The following NUCB2 variants were observed in gnomAD, a reference collection of about 807,000 sequenced individuals.
The protein encoded by NUCB2 is nucleobindin 2, also known as nucleobindin-2.
NUCB2 carries 48 observed loss-of-function variants against 57.9 expected under a neutral mutation model. The ratio of observed to expected loss-of-function variants is 0.83; its 90% confidence interval spans 0.66 to 1.05. The LOEUF (loss-of-function observed/expected upper bound fraction) is 1.05. Ranked by LOEUF, NUCB2 falls within the 50% of genes least tolerant of loss-of-function variation. The pLI is 0.00. For missense variants in NUCB2, 442 were observed against 476.2 expected (o/e 0.93, Z 0.67); for synonymous variants, 139 against 152.1 (o/e 0.91, Z 0.64).
At chr11:17,344,961 A>T (rs1460277653) in intron 2 of NUCB2, among the ~76,000 whole-genome samples, 1 of 152,240 alleles carries the variant, frequency 6.6e-6, no homozygotes, top group Non-Finnish European at 1.5e-5. Context: ...AGGAGGGTTA[A>T]TCTTTCCTGA....
At chr11:17,307,539 A>G (rs911171062) in intron 5 of NUCB2, among the ~76,000 whole-genome samples, 20 of 152,102 alleles carry the variant, frequency 1.3e-4, no homozygotes, top group Non-Finnish European at 1.8e-4. Flanking sequence ...GGAAATACAC[A>G]TTTTTGTGCA....
chr11:17,326,973 G>C (rs1950766276), intron 11 of NUCB2, among the ~76,000 whole-genome samples: 1 of 152,146 alleles, frequency 6.6e-6, no homozygotes, highest in Admixed American at 6.5e-5. Flanking sequence ...TATTTTCAGT[G>C]AATATACTAT....
chr11:17,341,796 G>C (rs1249687331), intron 2 of NUCB2, among the ~76,000 whole-genome samples: 4 of 152,102 alleles, frequency 2.6e-5, no homozygotes, highest in Admixed American at 1.3e-4. Context: ...TTGTGTCTCT[G>C]CCAGGCTTTG....
At chr11:17,312,791 C>A (rs1311696331) in intron 10 of NUCB2, among the ~76,000 whole-genome samples, 2 of 151,938 alleles carry the variant, frequency 1.3e-5, no homozygotes, top group Non-Finnish European at 2.9e-5. Context: ...GCTGCAACCT[C>A]TGCCTCCCGG....
At chr11:17,303,884 C>CAAAAAAA in intron 5 of NUCB2, among the ~76,000 whole-genome samples, 2 of 54,650 alleles carry the variant, frequency 3.7e-5, no homozygotes, top group East Asian at 4.5e-4. Flanking sequence ...GACTCCATCT[C>CAAAAAAA]AAAAAAAAAA....
intron 5 of NUCB2, among the ~76,000 whole-genome samples, chr11:17,304,708 A>G (rs556667933): frequency 6.6e-6 from 1 of 152,338 alleles, no homozygotes; most frequent in Non-Finnish European, 1.5e-5. Flanking sequence ...AATATTTTCC[A>G]TATGTACGTA....
Position 17,330,152 on chromosome 11 carries a change from CAG to C in NUCB2, c.1031_1032del (p.Glu344GlyfsTer7). On this transcript the variant is annotated frameshift_variant, in exon 12 of 14. Transcript: ENST00000529010. LOFTEE classifies it high-confidence loss of function. The surrounding 1 kb of genome is among the most constrained non-coding windows in gnomAD (Gnocchi z 4.3). ...ACATTAGATCAGCAACAGTTCTTCACAGAGGAAGAACTAAAAGAATATGAAAA... is the reference window on the plus strand; with the variant it reads ...ACATTAGATCAGCAACAGTTCTTCACAGGAAGAACTAAAAGAATATGAAAA... 6.5e-7 allele frequency: 1 copy of C among 1,540,660 alleles called. No individual in the cohort carries two copies. The highest frequency in any genetic ancestry group is 8.9e-7 in the Non-Finnish European group (1 of 1,124,302).
intron 11 of NUCB2, among the ~76,000 whole-genome samples, chr11:17,325,796 A>G (rs539501821): frequency 1.1e-4 from 16 of 149,560 alleles, no homozygotes; most frequent in African/African-American, 3.8e-4. Flanking sequence ...CTCTGGTGGC[A>G]TGCTCTAATT....
At chr11:17,315,780 T>C (rs1396678526) in intron 11 of NUCB2, among the ~76,000 whole-genome samples, 2 of 152,192 alleles carry the variant, frequency 1.3e-5, no homozygotes, top group Non-Finnish European at 2.9e-5. Context: ...TAAATTAGAA[T>C]TCACCTATAA....
At chr11:17,315,690 T>G (rs913871845) in intron 11 of NUCB2, among the ~76,000 whole-genome samples, 4 of 152,212 alleles carry the variant, frequency 2.6e-5, no homozygotes, top group Non-Finnish European at 5.9e-5. Flanking sequence ...AAATTGGAAG[T>G]CTTTTAAAAA....
chr11:17,277,476 A>G (rs1341805895), intron 1 of NUCB2, among the ~76,000 whole-genome samples: 6 of 152,110 alleles, frequency 3.9e-5, no homozygotes, highest in African/African-American at 9.7e-5. Flanking sequence ...ATTTTACAGT[A>G]TCAAATGGCT....
At chr11:17,279,851 G>A (rs1167842458) in intron 1 of NUCB2, among the ~76,000 whole-genome samples, 1 of 142,540 alleles carries the variant, frequency 7.0e-6, no homozygotes, top group Non-Finnish European at 1.5e-5. Context: ...GTACAGTGGT[G>A]TGATCATGGC....
chr11:17,311,214 G>A lies in NUCB2; in HGVS notation c.691G>A (p.Glu231Lys), dbSNP rs758160380. The A allele has an allele frequency of 6.2e-7, 1 of 1,603,744 alleles. No homozygotes were observed. Among genetic ancestry groups the A allele is most frequent in the Non-Finnish European group, 8.5e-7 (1 of 1,177,474 alleles). ...NHPGSKDQLK[E>K]VWEETDGLDP... is the part of the protein sequence containing the mutation. ...ACAGGGAAGCAAAGATCAACTAAAA[G>A]AGGTATGGGAAGAGACTGATGGATT... Residue 231 changes from glutamate (E) to lysine (K), a missense_variant, in exon 8 of 14, where the codon GAG (glutamate) becomes AAG (lysine). By Grantham distance (56) the Glu-to-Lys change is moderately conservative. Transcript: ENST00000529010.
At chr11:17,335,835 T>A (rs1167471397), downstream of NUCB2, among the ~76,000 whole-genome samples, 2 of 152,050 alleles carry the variant, frequency 1.3e-5, no homozygotes, top group Non-Finnish European at 2.9e-5. Flanking sequence ...AGTATTCTTT[T>A]CAGTTGTGTT....
At chr11:17,341,361 G>GAGT (rs1376849869) in intron 2 of NUCB2, among the ~76,000 whole-genome samples, 1 of 151,670 alleles carries the variant, frequency 6.6e-6, no homozygotes, top group Non-Finnish European at 1.5e-5. Flanking sequence ...TGTTGAATAG[G>GAGT]AGTGGTGAGA....
chr11:17,281,162 C>T (rs1180141476), intron 1 of NUCB2, among the ~76,000 whole-genome samples: 3 of 151,584 alleles, frequency 2.0e-5, no homozygotes, highest in Admixed American at 6.6e-5. Context: ...CAGGGTCTTT[C>T]TCTGTCATCC....
intron 1 of NUCB2, among the ~76,000 whole-genome samples, chr11:17,281,112 C>T (rs1292174566): frequency 2.0e-5 from 3 of 151,908 alleles, no homozygotes; most frequent in Non-Finnish European, 2.9e-5. Context: ...CTTTTTGTGT[C>T]GTTAATTTTT....
intron 2 of NUCB2, among the ~76,000 whole-genome samples, chr11:17,340,103 G>A (rs1176325545): frequency 6.6e-6 from 1 of 152,234 alleles, no homozygotes; most frequent in Non-Finnish European, 1.5e-5. Context: ...CTGATGGCCA[G>A]TGATGATGAG....
In NUCB2 at chr11:17,331,416, T is replaced by C. The variant is rs377017211; in HGVS notation, c.1260T>C (p.Ile420=). The C allele has an allele frequency of 5.5e-6, 8 of 1,444,556 alleles. No homozygotes were observed. In the Admixed American group the frequency reaches 2.0e-4, roughly 36 times the overall value. The allele number at this position is 1,444,556 out of a possible 1,614,324, so 89.5% of individuals were successfully genotyped here. A position where few individuals can be genotyped will look rare whatever the true frequency, so the allele number is the denominator to read the frequency against. ...PAGELKFEPH[I] The stretch of plus-strand genomic sequence containing the variant: ...CTTTTTTCTTTTTTCCAACAGACAT[T>C]TAAAGTCTGAAGTCCACCAGAACTT... The change falls in exon 14 of 14, where the codon ATT becomes ATC. Residue 420 remains isoleucine, a synonymous_variant. Coordinates refer to ENST00000529010, the MANE Select transcript of NUCB2 (RefSeq NM_005013.4).
Sources: allele counts gnomAD v4.1 joint callset (sites outside exome capture counted in the v4.1 genomes callset), GRCh38; gene constraint gnomAD v4.1.1; non-coding constraint Gnocchi (gnomAD v3.1); transcripts MANE v1.5; gene names NCBI Gene and HGNC (gene_info 2026-07-23, HGNC 2026-07-21).